CHST10: variants seen among roughly 807,000 people sequenced by gnomAD.
The protein encoded by CHST10 is HNK-1 sulfotransferase.
CHST10 carries 24 observed loss-of-function variants against 34.7 expected under a neutral mutation model. That is an observed-to-expected ratio of 0.69 (90% CI 0.50 to 0.97). The LOEUF is 0.97. Ranked by LOEUF, CHST10 falls within the 50% of genes least tolerant of loss-of-function variation. CHST10 has a pLI of 0.00. For synonymous variants in CHST10, 161 were observed against 169.3 expected (o/e 0.95, Z 0.38); for missense variants, 402 against 452.1 (o/e 0.89, Z 1.00).
rs149911211 is a variant in CHST10, at chr2:100,404,382, C to T, written c.101-1727G>A. 8.6e-3 allele frequency among the ~76,000 whole-genome samples: 1,317 copies of T among 152,284 alleles called. 6 individuals carry two copies. Among genetic ancestry groups the T allele is most frequent in the Middle Eastern group, 0.037 (11 of 294 alleles). On this transcript the variant is annotated intron_variant, in intron 3 of 6. Coordinates refer to ENST00000264249, the MANE Select transcript of CHST10 (RefSeq NM_004854.5). ...GGCAGGGAAAGTGCCCCCTTTCACT[C>T]GCCTGAAGGCAGCCGGCTGGAAAGA...
chr2:100,398,584 A>C (rs1675185136), intron 4 of CHST10, among the ~76,000 whole-genome samples: 1 of 152,076 alleles, frequency 6.6e-6, no homozygotes, highest in South Asian at 2.1e-4. Context: ...CACACCTGTA[A>C]TCCCAGCTAC....
intron 1 of CHST10, 114 bp downstream of exon 1, chr2:100,417,260 G>C: frequency 2.8e-6 from 1 of 361,712 alleles, no homozygotes; most frequent in South Asian, 2.1e-5. Flanking sequence ...AAACACACCG[G>C]GATGTGGCTC....
At chr2:100,395,639 C>T in intron 5 of CHST10, 25 bp from the exon 6 acceptor site, 1 of 1,599,358 alleles carries the variant, frequency 6.3e-7, no homozygotes, top group Non-Finnish European at 8.6e-7. Context: ...GAAAGGAAGG[C>T]AGGTTGGCTG....
Position 100,397,944 on chromosome 2 carries a change from T to G in CHST10, c.391A>C (p.Asn131His). 6.2e-7 allele frequency: 1 copy of G among 1,614,050 alleles called. No individual in the cohort carries two copies. Among genetic ancestry groups the G allele is most frequent in the Non-Finnish European group, 8.5e-7 (1 of 1,179,972 alleles). ...ATCAGCACTTTCTTCCACTGGGTGT[T>G]GCCCACTTTGGGAGTCTGGCAGAAA... is the stretch of plus-strand genomic sequence containing the variant. ...ILFCQTPKVG[N>H]TQWKKVLIVL... Residue 131 changes from asparagine to histidine, a missense_variant, in exon 5 of 7, where the codon AAC becomes CAC. Asn to His is a moderately conservative substitution (Grantham distance 68). Coordinates refer to ENST00000264249, the MANE Select transcript of CHST10 (RefSeq NM_004854.5).
chr2:100,396,329 G>C (rs1675057485), intron 5 of CHST10, among the ~76,000 whole-genome samples: 1 of 152,362 alleles, frequency 6.6e-6, no homozygotes, highest in South Asian at 2.1e-4. Context: ...AATGGAACTT[G>C]GGCAGAGACC....
intron 3 of CHST10, among the ~76,000 whole-genome samples, chr2:100,404,253 T>C (rs1009508369): frequency 6.6e-6 from 1 of 152,156 alleles, no homozygotes; most frequent in Non-Finnish European, 1.5e-5. Context: ...CTGCACACTG[T>C]GCGGCCAACA....
intron 2 of CHST10, among the ~76,000 whole-genome samples, chr2:100,411,571 A>G (rs1173009133): frequency 6.6e-6 from 1 of 152,222 alleles, no homozygotes; most frequent in East Asian, 1.9e-4. Context: ...AAACATGAGT[A>G]GGTGTGTATG....
At position 100,396,660 on chromosome 2, in the gene CHST10, C is replaced by A. The variant is rs1471091429; in HGVS notation, c.428-1046G>T. On this transcript the variant is annotated intron_variant, in intron 5 of 6. Coordinates refer to ENST00000264249, the MANE Select transcript of CHST10 (RefSeq NM_004854.5). ...TGCTCTCAAGGGGACAATGACAGAA[C>A]CAGCTCTGTGGGTCCACATATGGGC... Among the ~76,000 whole-genome samples the A allele has an allele frequency of 2.0e-5, 3 of 152,156 alleles. No homozygotes were observed. In the East Asian group the frequency reaches 5.8e-4, roughly 29 times the overall value.
chr2:100,417,029 T>C (rs570547748), intron 1 of CHST10: 6 of 1,304,382 alleles, frequency 4.6e-6, no homozygotes, highest in African/African-American at 1.5e-5. Flanking sequence ...TTCCTCTGCA[T>C]GCTCCTTGGA....
chr2:100,393,934 C>G, intron 6 of CHST10, 152 bp from the exon 7 acceptor site: 1 of 627,610 alleles, frequency 1.6e-6, no homozygotes, highest in Non-Finnish European at 2.8e-6. Context: ...GTCTCTTAAT[C>G]TACTCCAAGA....
At chr2:100,411,990 C>T (rs919670281) in intron 2 of CHST10, among the ~76,000 whole-genome samples, 3 of 152,216 alleles carry the variant, frequency 2.0e-5, no homozygotes, top group African/African-American at 4.8e-5. Context: ...GCAGGCCAGA[C>T]AACATGGGGC....
At chr2:100,400,956 C>T (rs1435346272) in intron 4 of CHST10, among the ~76,000 whole-genome samples, 5 of 152,234 alleles carry the variant, frequency 3.3e-5, no homozygotes, top group Non-Finnish European at 7.3e-5. Context: ...GCTGGGATAA[C>T]AGGAGTGAGG....
At chr2:100,414,912 A>T (rs1429891932) in intron 2 of CHST10, 129 bp downstream of exon 2, 2 of 479,322 alleles carry the variant, frequency 4.2e-6, no homozygotes, top group African/African-American at 2.0e-5. Context: ...ATTTAAGGAA[A>T]CGTTTCTAAG....
In CHST10 at chr2:100,393,478, T is replaced by C. The variant is rs774446300; in HGVS notation, c.838A>G (p.Ile280Val). The C allele has an allele frequency of 3.1e-6, 5 of 1,614,130 alleles. No individual in the cohort carries two copies. In the East Asian group the frequency reaches 1.1e-4, roughly 36 times the overall value. Residue 280 changes from isoleucine to valine, a missense_variant, in exon 7 of 7, where the codon ATT becomes GTT. Physicochemically the swap from Ile to Val is conservative, Grantham distance 29. Transcript: ENST00000264249. ...CAPCEIMYSVIGHHETLEDDA... is the reference protein window; with the variant it reads ...CAPCEIMYSVVGHHETLEDDA... The stretch of plus-strand genomic sequence containing the variant: ...TCCTCCAGGGTCTCGTGGTGTCCAA[T>C]CACACTGTACATTATCTCACAGGGA...
At chr2:100,406,769 T>G in intron 2 of CHST10, 62 bp from the exon 3 acceptor site, 1 of 1,550,388 alleles carries the variant, frequency 6.4e-7, no homozygotes. Context: ...CAAAGAGGAA[T>G]GAAAACGACA....
Position 100,392,549 on chromosome 2 carries a change from T to C in CHST10, c.*696A>G, listed in dbSNP as rs746868784. On this transcript the variant is annotated 3_prime_UTR_variant, in exon 7 of 7. Transcript: ENST00000264249. ...ATCGTATGTCTTGTGCTGAATGAAA[T>C]AGGCGCTTGGCAGACACAGGTTCAG... 6.6e-6 allele frequency: 1 copy of C among 152,596 alleles called. No homozygotes were observed. Among genetic ancestry groups the C allele is most frequent in the Non-Finnish European group, 1.5e-5 (1 of 68,340 alleles). The allele number at this position is 152,596 out of a possible 1,614,324, so 9.5% of individuals were successfully genotyped here.
chr2:100,408,322 C>T (rs1675673712), intron 2 of CHST10: 1 of 152,182 alleles, frequency 6.6e-6, no homozygotes, highest in South Asian at 2.1e-4. Flanking sequence ...CCCACAATCC[C>T]CTCCTCCTTC....
At chr2:100,394,246 G>T (rs1459535521) in intron 6 of CHST10, among the ~76,000 whole-genome samples, 1 of 145,282 alleles carries the variant, frequency 6.9e-6, no homozygotes, top group Non-Finnish European at 1.5e-5. Flanking sequence ...GGGGGCAAGA[G>T]AAAACAGAGA....
Position 100,406,671 on chromosome 2 carries a change from T to C in CHST10, c.5A>G (p.His2Arg). 1 of 1,614,114 alleles carries C rather than the reference T, an allele frequency of 6.2e-7. No individual in the cohort carries two copies. Among genetic ancestry groups the C allele is most frequent in the Middle Eastern group, 1.6e-4 (1 of 6,062 alleles). ...TGCGGCCAGCAGAAGCCACTGGTGG[T>C]GCATGTTGTCACACCGCAGCCATTC... M[H>R]HQWLLLAACF... The change falls in exon 3 of 7, where the codon CAC (histidine) becomes CGC (arginine). Residue 2 changes from histidine to arginine, a missense_variant. Transcript: ENST00000264249.
Sources: gnomAD v4.1 joint callset for allele counts (sites outside exome capture counted in the v4.1 genomes callset) on GRCh38, gnomAD v4.1.1 for gene constraint, MANE v1.5 for transcripts, NCBI Gene and HGNC (gene_info 2026-07-23, HGNC 2026-07-21) for gene names.